Variants in TLL2 observed in about 807,000 individuals in gnomAD.
TLL2 encodes tolloid like 2.
TLL2 carries 106 observed loss-of-function variants against 123.0 expected under a neutral mutation model. That is an observed-to-expected ratio of 0.86 (90% CI 0.74 to 1.01). The LOEUF is 1.01. TLL2 is among the 50% of genes least tolerant of loss of function. The pLI, the probability that TLL2 is intolerant of heterozygous loss-of-function variation, is 0.00. For synonymous variants in TLL2, 494 were observed against 516.8 expected (o/e 0.96, Z 0.60); for missense variants, 1,332 against 1,336.7 (o/e 1.00, Z 0.06).
At chr10:96,463,069 G>T (rs1035625334) in intron 2 of TLL2, among the ~76,000 whole-genome samples, 3 of 152,192 alleles carry the variant, frequency 2.0e-5, no homozygotes, top group African/African-American at 7.2e-5. Flanking sequence ...GATTTTTAGG[G>T]TTACAAATAA....
intron 2 of TLL2, among the ~76,000 whole-genome samples, chr10:96,472,728 G>A (rs1364432759): frequency 6.6e-6 from 1 of 151,906 alleles, no homozygotes; most frequent in Non-Finnish European, 1.5e-5. Context: ...TCCAGCCTGA[G>A]TGACACAGCA....
intron 13 of TLL2, among the ~76,000 whole-genome samples, chr10:96,389,035 T>TA (rs2134059587): frequency 6.6e-6 from 1 of 152,152 alleles, no homozygotes; most frequent in Non-Finnish European, 1.5e-5. Flanking sequence ...TTACTTTTTT[T>TA]ATCACCTTAC....
At chr10:96,391,101 G>A (rs1054334634) in intron 13 of TLL2, among the ~76,000 whole-genome samples, 8 of 152,162 alleles carry the variant, frequency 5.3e-5, no homozygotes, top group African/African-American at 1.4e-4. Context: ...AGTGTTGCAC[G>A]AGGCTGTGGT....
chr10:96,492,301 C>T (rs1360353451), intron 1 of TLL2, among the ~76,000 whole-genome samples: 2 of 151,970 alleles, frequency 1.3e-5, no homozygotes, highest in African/African-American at 4.8e-5. Context: ...CACAGGTTTT[C>T]TGAGTCAATA....
chr10:96,402,777 G>A (rs1846408411), intron 10 of TLL2, among the ~76,000 whole-genome samples: 1 of 152,126 alleles, frequency 6.6e-6, no homozygotes, highest in Non-Finnish European at 1.5e-5. Flanking sequence ...AAAGATTAAT[G>A]TCTGCCAGGC....
intron 1 of TLL2, among the ~76,000 whole-genome samples, chr10:96,503,913 T>TG (rs918962558): frequency 3.9e-5 from 6 of 152,142 alleles, no homozygotes; most frequent in Admixed American, 3.9e-4. Context: ...GCTCGTTCAC[T>TG]GGGGGTGGAG....
At chr10:96,369,918 C>G in intron 20 of TLL2, 147 bp downstream of exon 20, 1 of 1,181,724 alleles carries the variant, frequency 8.5e-7, no homozygotes, top group Non-Finnish European at 1.1e-6. Flanking sequence ...TCTCCTGCTT[C>G]CCACTCCGCT....
chr10:96,445,232 G>A (rs972467141), intron 3 of TLL2, among the ~76,000 whole-genome samples: 11 of 152,220 alleles, frequency 7.2e-5, no homozygotes, highest in African/African-American at 2.2e-4. Flanking sequence ...AGTTTGTGTA[G>A]AAGAAATACC....
rs1409487782 is a variant in TLL2, at chr10:96,365,808, G to A, written c.*2280C>T. 2.0e-5 allele frequency: 3 copies of A among 152,214 alleles called. No individual in the cohort carries two copies. The highest frequency in any genetic ancestry group is 4.4e-5 in the Non-Finnish European group (3 of 68,042). The allele number at this position is 152,214 out of a possible 1,614,324, so 9.4% of individuals were successfully genotyped here. A position where few individuals can be genotyped will look rare whatever the true frequency, so the allele number is the denominator to read the frequency against. On this transcript the variant is annotated 3_prime_UTR_variant, in exon 21 of 21. Coordinates refer to ENST00000357947, the MANE Select transcript of TLL2 (RefSeq NM_012465.4). Reference sequence around the variant, plus strand: ...CAGAGCTTCTCTTTTCTGTGGATACGTCACACAGAAGGCCTAAATAAAGGT... The same window carrying A: ...CAGAGCTTCTCTTTTCTGTGGATACATCACACAGAAGGCCTAAATAAAGGT...
chr10:96,428,895 C>G (rs1846708056), intron 4 of TLL2, 147 bp from the exon 5 acceptor site: 2 of 578,566 alleles, frequency 3.5e-6, no homozygotes, highest in South Asian at 4.3e-5. Flanking sequence ...ACTTCTGCCT[C>G]CTGGGTTCAA....
chr10:96,459,077 A>G (rs1847047302), intron 2 of TLL2, among the ~76,000 whole-genome samples: 1 of 152,214 alleles, frequency 6.6e-6, no homozygotes, highest in Non-Finnish European at 1.5e-5. Flanking sequence ...TATGAAAATA[A>G]TAAATAAGTA....
intron 1 of TLL2, among the ~76,000 whole-genome samples, chr10:96,510,263 C>T (rs958343195): frequency 6.6e-6 from 1 of 152,148 alleles, no homozygotes; most frequent in African/African-American, 2.4e-5. Flanking sequence ...CCAGTTGAAC[C>T]CTTAGCTGTA....
At chr10:96,375,838 T>C (rs1846133626) in intron 18 of TLL2, among the ~76,000 whole-genome samples, 1 of 152,188 alleles carries the variant, frequency 6.6e-6, no homozygotes, top group South Asian at 2.1e-4. Flanking sequence ...CCACAGTTCA[T>C]AGGGTCAATC....
chr10:96,375,787 T>A (rs1846133188), intron 18 of TLL2, among the ~76,000 whole-genome samples: 1 of 152,228 alleles, frequency 6.6e-6, no homozygotes, highest in South Asian at 2.1e-4. Flanking sequence ...GATCATGGAC[T>A]TTTCCCTCTC....
rs895403518 is a variant in TLL2 at position 96,366,630 on chromosome 10, T to C, written c.*1458A>G. ...CTGTAAAAAATATAACCTTTCACCT[T>C]TTACATATACTTTGTTTAAAATGAT... On this transcript the variant is annotated 3_prime_UTR_variant, in exon 21 of 21. Transcript: ENST00000357947. 4 of 152,522 alleles carry C rather than the reference T, an allele frequency of 2.6e-5. No homozygotes were observed. The highest frequency in any genetic ancestry group is 9.6e-5 in the African/African-American group (4 of 41,452). The allele number at this position is 152,522 out of a possible 1,614,324, so 9.4% of individuals were successfully genotyped here.
chr10:96,450,389 G>T (rs1315846874), intron 2 of TLL2, among the ~76,000 whole-genome samples: 3 of 152,118 alleles, frequency 2.0e-5, no homozygotes, highest in Non-Finnish European at 2.9e-5. Context: ...TGGCGTCTGG[G>T]TCCCACCCCC....
At chr10:96,479,750 C>T (rs1847293092) in intron 2 of TLL2, among the ~76,000 whole-genome samples, 1 of 152,276 alleles carries the variant, frequency 6.6e-6, no homozygotes, top group African/African-American at 2.4e-5. Context: ...CTTCTCCAGA[C>T]ACATCTCCTG....
intron 7 of TLL2, among the ~76,000 whole-genome samples, chr10:96,420,643 C>T (rs550085051): frequency 3.9e-5 from 6 of 152,334 alleles, no homozygotes; most frequent in Admixed American, 2.6e-4. Context: ...TCCCCCCACC[C>T]ACTGGAAATT....
chr10:96,458,984 A>T (rs1847046290), intron 2 of TLL2, among the ~76,000 whole-genome samples: 1 of 152,232 alleles, frequency 6.6e-6, no homozygotes, highest in Non-Finnish European at 1.5e-5. Flanking sequence ...GCCCAATCAG[A>T]GTGATCAACA....
Sources: allele counts gnomAD v4.1 joint callset (sites outside exome capture counted in the v4.1 genomes callset), GRCh38; gene constraint gnomAD v4.1.1; transcripts MANE v1.5; gene names NCBI Gene and HGNC (gene_info 2026-07-23, HGNC 2026-07-21).